Variants in NOL11 observed in about 807,000 individuals in gnomAD.
The protein encoded by NOL11 is nucleolar protein 11.
NOL11 carries 42 observed loss-of-function variants against 93.0 expected under a neutral mutation model. The observed-to-expected ratio is 0.45, with a 90% CI of 0.35 to 0.58. The LOEUF is 0.58. NOL11 is among the 20% of genes least tolerant of loss of function. The pLI is 0.00. For synonymous variants in NOL11, 296 were observed against 293.7 expected, an observed-to-expected ratio of 1.01 and a Z score of -0.08; for missense variants, 775 against 841.8, an observed-to-expected ratio of 0.92 and a Z score of 0.98.
In NOL11 at chr17:67,724,087, A is replaced by G. The variant is rs780256283; in HGVS notation, c.558A>G (p.Ser186=). Residue 186 remains serine (S), a synonymous_variant, in exon 6 of 18, where the codon TCA becomes TCG. Transcript: ENST00000253247. ...TTGCTTACGTGCAAATGTTTAACTCACGTATCTTAACCAAATATACACTCT... is the reference window on the plus strand; with the variant it reads ...TTGCTTACGTGCAAATGTTTAACTCGCGTATCTTAACCAAATATACACTCT... The part of the protein sequence containing the change: ...NYFAYVQMFN[S]RILTKYTLLL... 6.3e-7 allele frequency: 1 copy of G among 1,580,252 alleles called. No individual in the cohort carries two copies. Among genetic ancestry groups the G allele is most frequent in the Admixed American group, 1.9e-5 (1 of 51,714 alleles).
At chr17:67,739,495 T>C in intron 15 of NOL11, 21 bp from the exon 16 acceptor site, 1 of 1,424,610 alleles carries the variant, frequency 7.0e-7, no homozygotes, top group Non-Finnish European at 9.7e-7. Flanking sequence ...TGATAAACTA[T>C]CCATTTTTTT....
At chr17:67,724,700 C>T (rs2055072687) in intron 6 of NOL11, among the ~76,000 whole-genome samples, 1 of 152,104 alleles carries the variant, frequency 6.6e-6, no homozygotes, top group African/African-American at 2.4e-5. Flanking sequence ...GTTTTGAGGG[C>T]CTATTGAAGT....
At chr17:67,743,696 C>A in intron 17 of NOL11, 47 bp from the exon 18 acceptor site, 1 of 1,234,994 alleles carries the variant, frequency 8.1e-7, no homozygotes, top group African/African-American at 1.5e-5. Flanking sequence ...AGATTTGTTT[C>A]TATGTAGACA....
Position 67,731,251 on chromosome 17 carries a change from G to GTT in NOL11, c.854-3083_854-3082dup, listed in dbSNP as rs1172300412. ...GGATAATGTCCCTTCGTGCACAAAA[G>GTT]TTTTTTTTTTTTTTTTTTTTTTTTT... is the stretch of plus-strand genomic sequence containing the variant. On this transcript the variant is annotated intron_variant, in intron 7 of 17. Transcript: ENST00000253247. 4.7e-4 allele frequency among the ~76,000 whole-genome samples: 6 copies of GTT among 12,690 alleles called. 1 individual carries two copies. Among genetic ancestry groups the GTT allele is most frequent in the African/African-American group, 1.0e-3 (4 of 3,844 alleles). The allele number at this position is 12,690 out of a possible 152,430, so 8.3% of individuals were successfully genotyped here. A position where few individuals can be genotyped will look rare whatever the true frequency, so the allele number is the denominator to read the frequency against.
chr17:67,720,031 A>C (rs909752839), intron 3 of NOL11, 69 bp downstream of exon 3: 1 of 1,392,952 alleles, frequency 7.2e-7, no homozygotes, highest in Non-Finnish European at 9.7e-7. Context: ...ATAATAAAGT[A>C]TGTGTTATTT....
chr17:67,721,041 A>G (rs369255794), intron 3 of NOL11, among the ~76,000 whole-genome samples: 1 of 152,258 alleles, frequency 6.6e-6, no homozygotes. Context: ...ATCTAACACC[A>G]GAATTGCATG....
chr17:67,728,669 GT>G (rs1046901501), intron 7 of NOL11, among the ~76,000 whole-genome samples: 38 of 152,208 alleles, frequency 2.5e-4, no homozygotes, highest in African/African-American at 8.4e-4. Context: ...TACTTAAGGG[GT>G]TTTTTCCCCT....
rs1307421120 is a variant in NOL11 at position 67,724,084 on chromosome 17, C to T, written c.555C>T (p.Asn185=). 1.9e-6 allele frequency: 3 copies of T among 1,568,846 alleles called. No individual in the cohort carries two copies. Among genetic ancestry groups the T allele is most frequent in the Admixed American group, 4.0e-5 (2 of 49,794 alleles). The stretch of plus-strand genomic sequence containing the variant: ...ACTTTGCTTACGTGCAAATGTTTAA[C>T]TCACGTATCTTAACCAAATATACAC... The part of the protein sequence containing the change: ...GNYFAYVQMF[N]SRILTKYTLL... Residue 185 remains asparagine (N), a synonymous_variant, in exon 6 of 18, where the codon AAC becomes AAT. Transcript: ENST00000253247.
intron 3 of NOL11, among the ~76,000 whole-genome samples, chr17:67,720,965 C>T (rs980369081): frequency 6.6e-6 from 1 of 152,172 alleles, no homozygotes; most frequent in African/African-American, 2.4e-5. Context: ...TTGTTTTCCT[C>T]ACACACGGTG....
At chr17:67,742,801 G>A (rs185408346) in intron 16 of NOL11, among the ~76,000 whole-genome samples, 1 of 152,286 alleles carries the variant, frequency 6.6e-6, no homozygotes, top group Admixed American at 6.5e-5. Context: ...TAAATGCTTA[G>A]TAATAATTCT....
In NOL11 at chr17:67,738,126, G is replaced by A; in HGVS notation, c.1534G>A (p.Gly512Ser). 1 of 1,603,586 alleles carries A rather than the reference G, an allele frequency of 6.2e-7. No homozygotes were observed. ...CACLKIFLSI[G>S]DDSLQETDVN... is the part of the protein sequence containing the mutation. The stretch of plus-strand genomic sequence containing the variant: ...TGCTTTCAACTACCATCATAGCATT[G>A]GTGATGACAGTCTTCAAGAAACAGA... The change falls in exon 14 of 18, where the codon GGT (glycine) becomes AGT (serine). Residue 512 changes from glycine (G) to serine (S), a missense_variant. Physicochemically the swap from Gly to Ser is moderately conservative, Grantham distance 56 (BLOSUM62 0). Transcript: ENST00000253247.
At position 67,719,753 on chromosome 17, in the gene NOL11, A is replaced by G; in HGVS notation, c.221A>G (p.Gln74Arg). ...ACATGTCCAGCTGTGTGCAACTTTC[A>G]AACTGGAGAGTATGTTGTTGTACAC... ...IITCPAVCNF[Q>R]TGEYVVVHDN... Residue 74 changes from glutamine to arginine, a missense_variant, in exon 2 of 18, where the codon CAA becomes CGA. By Grantham distance (43) the Gln-to-Arg change is conservative. Around this residue, in one of 2 missense-constraint regions of NOL11, gnomAD observed 359 missense variants for 316.5 expected, o/e 1.13. Transcript: ENST00000253247. The G allele has an allele frequency of 6.2e-7, 1 of 1,609,624 alleles. No homozygotes were observed. The highest frequency in any genetic ancestry group is 1.3e-5 in the African/African-American group (1 of 74,954).
chr17:67,729,937 T>G (rs531319585), intron 7 of NOL11, among the ~76,000 whole-genome samples: 1 of 151,926 alleles, frequency 6.6e-6, no homozygotes, highest in South Asian at 2.1e-4. Flanking sequence ...TAATTTTTGT[T>G]TTTATATTTA....
At chr17:67,718,286 T>G (rs1221621570) in intron 1 of NOL11, among the ~76,000 whole-genome samples, 198 bp downstream of exon 1, 1 of 152,154 alleles carries the variant, frequency 6.6e-6, no homozygotes, top group Non-Finnish European at 1.5e-5. Context: ...TATTTCCGAC[T>G]TGCAGGGGCA....
Position 67,722,688 on chromosome 17 carries a change from A to C in NOL11, c.519+51A>C, listed in dbSNP as rs774233658. On this transcript the variant is annotated intron_variant, in intron 5 of 17. Coordinates refer to ENST00000253247, the MANE Select transcript of NOL11 (RefSeq NM_015462.5). ...CCATTTTGTGAAATTTCTTTAAAAA[A>C]AAAAAATTTATTTAGAGACAGGGTG... The C allele has an allele frequency of 8.8e-5, 134 of 1,526,574 alleles. 1 individual carries two copies. The African/African-American group carries it at 1.6e-3, about 18-fold the overall frequency. 94.6% of individuals were successfully genotyped at this position (1,526,574 alleles called of 1,614,324 possible).
chr17:67,743,609 C>T (rs2055274836), intron 17 of NOL11, 23 bp downstream of exon 17: 1 of 1,420,796 alleles, frequency 7.0e-7, no homozygotes, highest in Non-Finnish European at 9.8e-7. Flanking sequence ...TTGATATATA[C>T]TGATTTTATT....
chr17:67,731,834 C>A (rs941851392), intron 7 of NOL11, among the ~76,000 whole-genome samples: 1 of 152,210 alleles, frequency 6.6e-6, no homozygotes, highest in African/African-American at 2.4e-5. Flanking sequence ...CAATCTATTA[C>A]ACTGGGCCAG....
At chr17:67,719,528 G>A in intron 1 of NOL11, 146 bp from the exon 2 acceptor site, 1 of 491,498 alleles carries the variant, frequency 2.0e-6, no homozygotes, top group Non-Finnish European at 3.7e-6. Context: ...CAAAATGCTG[G>A]GATTACAGGC....
In NOL11 at chr17:67,724,046, C is replaced by A. The variant is rs779032506; in HGVS notation, c.520-3C>A. On this transcript the variant is annotated splice_region_variant and splice_polypyrimidine_tract_variant and intron_variant, in intron 5 of 17. Transcript: ENST00000253247. ...TTTATAAAATAACCTTTTTTTTTTG[C>A]AGCATGGAAATTACTTTGCTTACGT... The A allele has an allele frequency of 4.0e-6, 6 of 1,510,708 alleles. No homozygotes were observed. The highest frequency in any genetic ancestry group is 5.3e-6 in the Non-Finnish European group (6 of 1,131,092). 93.6% of individuals were successfully genotyped at this position (1,510,708 alleles called of 1,614,324 possible). A position where few individuals can be genotyped will look rare whatever the true frequency, so the allele number is the denominator to read the frequency against.
Sources: allele counts gnomAD v4.1 joint callset (sites outside exome capture counted in the v4.1 genomes callset), GRCh38; gene constraint gnomAD v4.1.1; regional missense constraint gnomAD v4.1.1; transcripts MANE v1.5; gene names NCBI Gene and HGNC (gene_info 2026-07-23, HGNC 2026-07-21).